BEND4: variants seen among roughly 807,000 people sequenced by gnomAD.
BEND4 encodes BEN domain containing 4.
BEND4 carries 27 observed loss-of-function variants against 54.7 expected under a neutral mutation model. That is an observed-to-expected ratio of 0.49 (90% confidence interval 0.36 to 0.68). The LOEUF (loss-of-function observed/expected upper bound fraction) is 0.68. BEND4 is among the 30% of genes least tolerant of loss of function. The probability of loss-of-function intolerance (pLI) is 0.00; values close to 1 mark genes in which losing one functional copy is unlikely to be tolerated. For missense variants in BEND4, 702 were observed against 697.2 expected (o/e 1.01, Z -0.08); for synonymous variants, 327 against 299.5 (o/e 1.09, Z -0.95).
chr4:42,143,371 G>T (rs939048541), intron 3 of BEND4, 57 bp downstream of exon 3: 4 of 1,362,578 alleles, frequency 2.9e-6, no homozygotes, highest in Non-Finnish European at 3.1e-6. Flanking sequence ...ACAGACAGAT[G>T]AGACAAGTGA....
intron 3 of BEND4, among the ~76,000 whole-genome samples, chr4:42,132,051 G>A (rs1378226090): frequency 6.6e-6 from 1 of 152,212 alleles, no homozygotes; most frequent in Non-Finnish European, 1.5e-5. Flanking sequence ...AACGGAGACA[G>A]GTGCGTCTAG....
intron 3 of BEND4, 122 bp downstream of exon 3, chr4:42,143,306 A>C: frequency 1.1e-6 from 1 of 924,938 alleles, no homozygotes; most frequent in African/African-American, 1.7e-5. Context: ...TGGCCAAAAA[A>C]CAAAAAAAGC....
chr4:42,121,421 A>C lies in BEND4; in HGVS notation c.1147-1127T>G, dbSNP rs192214924. 2.0e-4 allele frequency among the ~76,000 whole-genome samples: 31 copies of C among 152,308 alleles called. 1 individual carries two copies. The highest frequency in any genetic ancestry group is 1.4e-3 in the Admixed American group (21 of 15,296). The stretch of plus-strand genomic sequence containing the variant: ...CGTGATGTGGTTTCCTTTCCTAAGG[A>C]AGGCAACTGAGGCACCTAGTTTGTG... On this transcript the variant is annotated intron_variant, in intron 4 of 5. Coordinates refer to ENST00000502486, the MANE Select transcript of BEND4 (RefSeq NM_207406.4).
chr4:42,122,035 G>A (rs757275581), intron 4 of BEND4, among the ~76,000 whole-genome samples: 2 of 152,102 alleles, frequency 1.3e-5, no homozygotes, highest in Non-Finnish European at 2.9e-5. Flanking sequence ...GGCCGGGAGC[G>A]GGGGTGAAAT....
In BEND4 at chr4:42,120,063, A is replaced by G. The variant is rs1384732390; in HGVS notation, c.1378T>C (p.Cys460Arg). The G allele has an allele frequency of 3.7e-6, 6 of 1,613,866 alleles. No individual in the cohort carries two copies. Among genetic ancestry groups the G allele is most frequent in the Non-Finnish European group, 5.1e-6 (6 of 1,179,884 alleles). ...CGGAAGGATGCAGTACCTCGGAGGCATGTTACTTTAACTGGATCCAGAGGG... is the reference window on the plus strand; with the variant it reads ...CGGAAGGATGCAGTACCTCGGAGGCGTGTTACTTTAACTGGATCCAGAGGG... ...RRPLDPVKVT[C>R]LREFIRMHCT... is the part of the protein sequence containing the mutation. The change falls in exon 5 of 6, where the codon TGC (cysteine) becomes CGC (arginine). Residue 460 changes from cysteine (C) to arginine (R), a missense_variant. Transcript: ENST00000502486.
intron 4 of BEND4, among the ~76,000 whole-genome samples, chr4:42,123,068 T>C (rs1490528169): frequency 6.6e-6 from 1 of 152,188 alleles, no homozygotes; most frequent in African/African-American, 2.4e-5. Context: ...AATGTAGGAA[T>C]ACCATTTGGA....
chr4:42,136,897 A>C (rs2153146489), intron 3 of BEND4, among the ~76,000 whole-genome samples: 1 of 152,372 alleles, frequency 6.6e-6, no homozygotes, highest in Admixed American at 6.5e-5. Flanking sequence ...ACATAAAACA[A>C]GTTATATATT....
chr4:42,124,361 G>A (rs1720188911), intron 4 of BEND4, among the ~76,000 whole-genome samples: 1 of 152,134 alleles, frequency 6.6e-6, no homozygotes, highest in African/African-American at 2.4e-5. Context: ...TCAAAAATAA[G>A]TGAACAAATA....
chr4:42,117,711 G>C lies in BEND4; in HGVS notation c.1412C>G (p.Ser471Cys). The C allele has an allele frequency of 6.2e-7, 1 of 1,606,310 alleles. No homozygotes were observed. The highest frequency in any genetic ancestry group is 1.1e-5 in the South Asian group (1 of 89,398). Residue 471 changes from serine (S) to cysteine (C), a missense_variant, in exon 6 of 6, where the codon TCC (serine) becomes TGC (cysteine). Coordinates refer to ENST00000502486, the MANE Select transcript of BEND4 (RefSeq NM_207406.4). ...CGAGGGCATCCACCAATCGGGGTTGGAGGTACAATGCATCCTAATGAATTC... is the reference window on the plus strand; with the variant it reads ...CGAGGGCATCCACCAATCGGGGTTGCAGGTACAATGCATCCTAATGAATTC... The part of the protein sequence containing the change: ...LREFIRMHCT[S>C]NPDWWMPSEE...
chr4:42,134,507 A>G (rs1476860428), intron 3 of BEND4, among the ~76,000 whole-genome samples: 1 of 152,226 alleles, frequency 6.6e-6, no homozygotes, highest in Non-Finnish European at 1.5e-5. Context: ...ATTCAATTCA[A>G]TTGACATGCA....
chr4:42,134,718 G>A (rs773564795), intron 3 of BEND4, among the ~76,000 whole-genome samples: 1 of 152,198 alleles, frequency 6.6e-6, no homozygotes, highest in African/African-American at 2.4e-5. Context: ...TGCGAACTGT[G>A]GGAAGCATTT....
At chr4:42,122,907 G>A (rs1720119530) in intron 4 of BEND4, among the ~76,000 whole-genome samples, 2 of 152,156 alleles carry the variant, frequency 1.3e-5, no homozygotes, top group African/African-American at 4.8e-5. Context: ...CACCCTGTAA[G>A]CGATGCTTTG....
At chr4:42,131,059 C>T (rs1418978217) in intron 3 of BEND4, among the ~76,000 whole-genome samples, 1 of 151,976 alleles carries the variant, frequency 6.6e-6, no homozygotes, top group East Asian at 1.9e-4. Flanking sequence ...CACACTGGGG[C>T]CTATTGGGGA....
Position 42,151,822 on chromosome 4 carries a change from T to G in BEND4, c.322A>C (p.Thr108Pro). 7.1e-7 allele frequency: 1 copy of G among 1,412,990 alleles called. No individual in the cohort carries two copies. Among genetic ancestry groups the G allele is most frequent in the Non-Finnish European group, 9.1e-7 (1 of 1,094,770 alleles). 87.5% of individuals were successfully genotyped at this position (1,412,990 alleles called of 1,614,324 possible). The change falls in exon 2 of 6, where the codon ACA (threonine) becomes CCA (proline). Residue 108 changes from threonine (T) to proline (P), a missense_variant. By Grantham distance (38) the Thr-to-Pro change is conservative. Transcript: ENST00000502486. ...SSSSPSCTPATSQGHLRTPAQ... is the reference protein window; with the variant it reads ...SSSSPSCTPAPSQGHLRTPAQ... ...GGAGTCCTCAAGTGGCCCTGGGATG[T>G]GGCGGGCGTGCAGGACGGCGACGAC...
chr4:42,144,939 G>C (rs1369542358), intron 2 of BEND4, among the ~76,000 whole-genome samples: 1 of 152,114 alleles, frequency 6.6e-6, no homozygotes, highest in Non-Finnish European at 1.5e-5. Flanking sequence ...CACCTAGAAT[G>C]GGCTATTATA....
intron 5 of BEND4, chr4:42,119,844 T>C (rs1408710191): frequency 3.5e-6 from 2 of 577,668 alleles, no homozygotes; most frequent in African/African-American, 1.9e-5. Flanking sequence ...GCGATGCTTA[T>C]GTACCACTAA....
intron 3 of BEND4, among the ~76,000 whole-genome samples, chr4:42,138,837 T>C (rs1207484942): frequency 6.6e-6 from 1 of 152,238 alleles, no homozygotes; most frequent in Admixed American, 6.5e-5. Flanking sequence ...ATTTTATGAT[T>C]CTAAGACCCA....
Position 42,115,378 on chromosome 4 carries a change from A to C in BEND4, c.*2140T>G, listed in dbSNP as rs1183399475. Reference sequence around the variant, plus strand: ...ACGGCCATGGAGCAGGGGTGCAGAAAGTGCTCTCATCAGCCTCAGCGAAGA... The same window carrying C: ...ACGGCCATGGAGCAGGGGTGCAGAACGTGCTCTCATCAGCCTCAGCGAAGA... On this transcript the variant is annotated 3_prime_UTR_variant, in exon 6 of 6. Transcript: ENST00000502486. 1 of 152,164 alleles carries C rather than the reference A, an allele frequency of 6.6e-6. No individual in the cohort carries two copies. The highest frequency in any genetic ancestry group is 1.5e-5 in the Non-Finnish European group (1 of 68,066). 9.4% of individuals were successfully genotyped at this position (152,164 alleles called of 1,614,324 possible).
chr4:42,132,558 C>T (rs1012977591), intron 3 of BEND4, among the ~76,000 whole-genome samples: 6 of 152,110 alleles, frequency 3.9e-5, no homozygotes, highest in African/African-American at 1.4e-4. Flanking sequence ...GATTCTCTTG[C>T]CTCAGCCTCC....
Sources: gnomAD v4.1 joint callset for allele counts (sites outside exome capture counted in the v4.1 genomes callset) on GRCh38, gnomAD v4.1.1 for gene constraint, MANE v1.5 for transcripts, NCBI Gene and HGNC (gene_info 2026-07-23, HGNC 2026-07-21) for gene names.